Variants in SNX5 observed in about 807,000 individuals in gnomAD.
The protein encoded by SNX5 is sorting nexin-5.
Under a neutral mutation model 53.9 loss-of-function variants are expected in SNX5, and 31 were observed. The observed-to-expected ratio is 0.58, with a 90% confidence interval of 0.43 to 0.78. The LOEUF is 0.78. Among genes scored for constraint, SNX5 ranks in the 30% least tolerant of loss-of-function variants. The pLI is 0.00. For synonymous variants in SNX5, 168 were observed against 171.1 expected (o/e 0.98, Z 0.14); for missense variants, 471 against 478.8 (o/e 0.98, Z 0.15).
intron 2 of SNX5, among the ~76,000 whole-genome samples, chr20:17,956,681 A>AC (rs1424148188): frequency 2.9e-5 from 2 of 69,944 alleles, no homozygotes; most frequent in Non-Finnish European, 6.6e-5. Flanking sequence ...TCCAAAAAAA[A>AC]AAAAAAAAAA....
At chr20:17,952,834 G>A in intron 4 of SNX5, 124 bp from the exon 5 acceptor site, 1 of 1,118,222 alleles carries the variant, frequency 8.9e-7, no homozygotes, top group Non-Finnish European at 1.2e-6. Flanking sequence ...GGACCAAACA[G>A]TATTTCAGTA....
chr20:17,950,426 T>A lies in SNX5; in HGVS notation c.610-30A>T, dbSNP rs369776273. The A allele has an allele frequency of 2.4e-6, 3 of 1,257,178 alleles. No individual in the cohort carries two copies. In the African/African-American group the frequency reaches 4.5e-5, roughly 19 times the overall value. 77.9% of individuals were successfully genotyped at this position (1,257,178 alleles called of 1,614,324 possible). ...AAGGAAGAAAAAAAGAACCAGACAT[T>A]TCATGAAATATACTATCCCTGCAGC... On this transcript the variant is annotated intron_variant, in intron 6 of 12. Coordinates refer to ENST00000377759, the MANE Select transcript of SNX5 (RefSeq NM_014426.4).
intron 4 of SNX5, among the ~76,000 whole-genome samples, 192 bp from the exon 5 acceptor site, chr20:17,952,902 G>A (rs1262929797): frequency 6.6e-6 from 1 of 152,250 alleles, no homozygotes; most frequent in Non-Finnish European, 1.5e-5. Flanking sequence ...TGTGGAATAA[G>A]ACTATGGAGG....
chr20:17,951,728 C>T (rs914825047), intron 5 of SNX5, 133 bp from the exon 6 acceptor site: 1 of 612,702 alleles, frequency 1.6e-6, no homozygotes, highest in Non-Finnish European at 2.9e-6. Context: ...TTAATTCTGC[C>T]TTAACCTCCA....
At position 17,963,000 on chromosome 20, in the gene SNX5, C is replaced by T; in HGVS notation, c.51+5375G>A. 1.1e-5 allele frequency: 5 copies of T among 444,836 alleles called. No homozygotes were observed. The East Asian group carries it at 2.9e-4, about 26-fold the overall frequency. The allele number at this position is 444,836 out of a possible 1,614,324, so 27.6% of individuals were successfully genotyped here. A position where few individuals can be genotyped will look rare whatever the true frequency, so the allele number is the denominator to read the frequency against. The stretch of plus-strand genomic sequence containing the variant: ...TCAACATGGAACCAGAGTTAAATTA[C>T]TGCCTTAAATATCTAATGCATGTCA... On this transcript the variant is annotated intron_variant, in intron 1 of 12. Transcript: ENST00000377759.
chr20:17,950,066 C>A, intron 8 of SNX5, 66 bp downstream of exon 8: 1 of 1,408,944 alleles, frequency 7.1e-7, no homozygotes, highest in Non-Finnish European at 1.0e-6. Context: ...CTCATTTATG[C>A]TTTTAATTAC....
intron 1 of SNX5, among the ~76,000 whole-genome samples, chr20:17,964,229 C>A (rs567188110): frequency 6.6e-6 from 1 of 152,152 alleles, no homozygotes. Context: ...AAAGTGAAAA[C>A]CCTGACAAGG....
At chr20:17,955,728 T>C (rs2035341464) in intron 2 of SNX5, among the ~76,000 whole-genome samples, 1 of 152,218 alleles carries the variant, frequency 6.6e-6, no homozygotes, top group Admixed American at 6.5e-5. Context: ...TGGTAGAAGT[T>C]CAGTTCTAAG....
intron 1 of SNX5, chr20:17,968,140 C>A (rs6034927): frequency 2.5e-6 from 1 of 400,952 alleles, no homozygotes; most frequent in Non-Finnish European, 4.4e-6. Context: ...TGAGCTGGGG[C>A]TAAGGTCCCG....
At chr20:17,961,235 C>T in intron 1 of SNX5, 2 of 985,452 alleles carry the variant, frequency 2.0e-6, no homozygotes, top group Non-Finnish European at 2.4e-6. Context: ...CATAAACTCA[C>T]TTTTGGTCCA....
chr20:17,953,189 G>C (rs541999047), intron 4 of SNX5, among the ~76,000 whole-genome samples: 1 of 152,236 alleles, frequency 6.6e-6, no homozygotes, highest in African/African-American at 2.4e-5. Flanking sequence ...CCCAGAGCTG[G>C]TCCCGAGAGC....
rs551811430 is a variant in SNX5, at chr20:17,967,414, C to A, written c.51+961G>T. Among the ~76,000 whole-genome samples, 5 of 152,038 alleles carry A rather than the reference C, an allele frequency of 3.3e-5. No individual in the cohort carries two copies. In the South Asian group the frequency reaches 1.0e-3, roughly 32 times the overall value. The stretch of plus-strand genomic sequence containing the variant: ...TATTTTAATAATTAATGCAATGATA[C>A]CCTTGTTGGAACAATCCAGCCGCTT... On this transcript the variant is annotated intron_variant, in intron 1 of 12. Transcript: ENST00000377759.
chr20:17,952,778 TTAATTCTA>T (rs1213711879), intron 4 of SNX5, 68 bp from the exon 5 acceptor site: 1 of 1,570,568 alleles, frequency 6.4e-7, no homozygotes, highest in Non-Finnish European at 8.6e-7. Context: ...CCACTCCTGA[TTAATTCTA>T]TGGCCCTGCT....
chr20:17,953,490 A>G (rs2035301682), intron 4 of SNX5, among the ~76,000 whole-genome samples: 1 of 152,242 alleles, frequency 6.6e-6, no homozygotes, highest in Non-Finnish European at 1.5e-5. Flanking sequence ...CTATAACAGC[A>G]CTATTTGGCC....
chr20:17,947,236 G>T, intron 11 of SNX5: 1 of 433,228 alleles, frequency 2.3e-6, no homozygotes, highest in East Asian at 4.4e-5. Context: ...AAACCACAAC[G>T]TTTTTAGGGC....
intron 1 of SNX5, chr20:17,961,259 A>T: frequency 3.0e-6 from 3 of 985,248 alleles, no homozygotes; most frequent in Non-Finnish European, 3.6e-6. Context: ...TTCACTTACG[A>T]CTCTACCAGC....
chr20:17,955,344 T>C (rs765134487), intron 3 of SNX5, 21 bp downstream of exon 3: 2 of 1,559,272 alleles, frequency 1.3e-6, no homozygotes, highest in Non-Finnish European at 1.8e-6. Flanking sequence ...ACTAGCTTAT[T>C]TGATTTTCTA....
rs760468577 is a variant in SNX5, at chr20:17,942,415, GA to G, written c.1165-9del. On this transcript the variant is annotated splice_polypyrimidine_tract_variant and intron_variant, in intron 12 of 12. Coordinates refer to ENST00000377759, the MANE Select transcript of SNX5 (RefSeq NM_014426.4). ...CAAAAGGGAGACATTGTTCTGTGGG[GA>G]AAAAAGGCAAGGCAGACCAGTGAAT... is the stretch of plus-strand genomic sequence containing the variant. 6 of 1,608,472 alleles carry G rather than the reference GA, an allele frequency of 3.7e-6. No homozygotes were observed. The highest frequency in any genetic ancestry group is 5.1e-6 in the Non-Finnish European group (6 of 1,175,112).
chr20:17,957,104 G>T, intron 1 of SNX5, 67 bp from the exon 2 acceptor site: 1 of 951,028 alleles, frequency 1.1e-6, no homozygotes, highest in Non-Finnish European at 1.7e-6. Flanking sequence ...CCAAAAATGA[G>T]TAGTTACTAA....
Sources: gnomAD v4.1 joint callset for allele counts (sites outside exome capture counted in the v4.1 genomes callset) on GRCh38, gnomAD v4.1.1 for gene constraint, MANE v1.5 for transcripts, NCBI Gene and HGNC (gene_info 2026-07-23, HGNC 2026-07-21) for gene names.